The following APBB2 variants were observed in gnomAD, a reference collection of about 807,000 sequenced individuals.
The protein encoded by APBB2 is Fe65-like 1.
Under a neutral mutation model 82.5 loss-of-function variants are expected in APBB2, and 38 were observed. That is an observed-to-expected ratio of 0.46 (90% CI 0.36 to 0.60). The LOEUF (loss-of-function observed/expected upper bound fraction) is 0.60, where lower values mean the gene tolerates loss of function less well. Among genes scored for constraint, APBB2 ranks in the 20% least tolerant of loss-of-function variants. APBB2 has a pLI of 0.00. For missense variants in APBB2, 772 were observed against 972.3 expected, an observed-to-expected ratio of 0.79 and a Z score of 2.74; for synonymous variants, 341 against 368.2, an observed-to-expected ratio of 0.93 and a Z score of 0.85.
intron 1 of APBB2, among the ~76,000 whole-genome samples, chr4:41,151,662 T>C (rs62409968): frequency 0.038 from 5,778 of 152,302 alleles, 211 homozygotes; most frequent in African/African-American, 0.096. Context: ...TTTTAGCGTT[T>C]TGAAGATATT....
intron 6 of APBB2, among the ~76,000 whole-genome samples, chr4:41,010,669 G>A (rs932064510): frequency 6.6e-6 from 1 of 152,116 alleles, no homozygotes; most frequent in African/African-American, 2.4e-5. Context: ...CTCATCAGCA[G>A]GGAACTTGCT....
Position 41,049,442 on chromosome 4 carries a change from CAACCCCTCCGCGAGGGAGGTGGGGGGCA to C in APBB2, c.-51+16106_-51+16133del, listed in dbSNP as rs1242669951. 9.0e-3 allele frequency among the ~76,000 whole-genome samples: 1,349 copies of C among 149,264 alleles called. 14 individuals are homozygous for C. Among genetic ancestry groups the C allele is most frequent in the African/African-American group, 0.027 (1,092 of 40,314 alleles). The stretch of plus-strand genomic sequence containing the variant: ...TGGGGGACAGCCCCGCCCGGCCAGC[CAACCCCTCCGCGAGGGAGGTGGGGGGCA>C]GCCCCCGCCCGGCCAGCCGCCCCGT... On this transcript the variant is annotated intron_variant, in intron 4 of 17. Coordinates refer to ENST00000508593, the MANE Select transcript of APBB2 (RefSeq NM_004307.2).
intron 1 of APBB2, among the ~76,000 whole-genome samples, chr4:41,196,561 T>C: frequency 1.3e-5 from 2 of 151,048 alleles, no homozygotes; most frequent in Non-Finnish European, 2.9e-5. Flanking sequence ...CATCCAGTGC[T>C]GGTCTTTGCT....
At chr4:41,088,605 C>T (rs567113600) in intron 3 of APBB2, among the ~76,000 whole-genome samples, 1 of 152,328 alleles carries the variant, frequency 6.6e-6, no homozygotes, top group South Asian at 2.1e-4. Flanking sequence ...TCCAGGGCCT[C>T]ATCCTCTTTG....
At chr4:40,995,677 C>A (rs1003691625) in intron 6 of APBB2, among the ~76,000 whole-genome samples, 1 of 151,920 alleles carries the variant, frequency 6.6e-6, no homozygotes, top group African/African-American at 2.4e-5. Flanking sequence ...GTAGCTGACG[C>A]CAGCATGTGC....
chr4:41,118,641 A>C (rs181084899), intron 2 of APBB2, among the ~76,000 whole-genome samples: 4 of 152,322 alleles, frequency 2.6e-5, no homozygotes, highest in Admixed American at 2.6e-4. Flanking sequence ...GGCCAGCTTC[A>C]TATAGGAAGG....
intron 4 of APBB2, among the ~76,000 whole-genome samples, chr4:41,046,875 C>A (rs911437465): frequency 6.6e-6 from 1 of 152,208 alleles, no homozygotes; most frequent in African/African-American, 2.4e-5. Flanking sequence ...TGAAAGAGCA[C>A]TGGAGTGGGG....
intron 11 of APBB2, 57 bp from the exon 12 acceptor site, chr4:40,890,548 G>T: frequency 1.3e-6 from 2 of 1,596,728 alleles, no homozygotes; most frequent in South Asian, 1.1e-5. Context: ...AAGCCTAATC[G>T]TGTGTGTGGC....
intron 7 of APBB2, among the ~76,000 whole-genome samples, chr4:40,943,800 GC>G (rs1223645541): frequency 6.6e-6 from 1 of 152,228 alleles, no homozygotes; most frequent in African/African-American, 2.4e-5. Flanking sequence ...CAAAGTCCTT[GC>G]CTACCAATGA....
At position 41,079,979 on chromosome 4, in the gene APBB2, G is replaced by A. The variant is rs754780026; in HGVS notation, c.-148-14306C>T. 5.9e-5 allele frequency among the ~76,000 whole-genome samples: 9 copies of A among 152,330 alleles called. 1 individual carries two copies. In the South Asian group the frequency reaches 1.2e-3, roughly 21 times the overall value. On this transcript the variant is annotated intron_variant, in intron 3 of 17. Coordinates refer to ENST00000508593, the MANE Select transcript of APBB2 (RefSeq NM_004307.2). Reference sequence around the variant, plus strand: ...TGAATCGGGAGCTGCCACTGTTTGCGTGTGGCCAGAGACATGCTCAGATTC... The same window carrying A: ...TGAATCGGGAGCTGCCACTGTTTGCATGTGGCCAGAGACATGCTCAGATTC...
At chr4:41,004,167 C>G (rs1806010464) in intron 6 of APBB2, among the ~76,000 whole-genome samples, 1 of 152,126 alleles carries the variant, frequency 6.6e-6, no homozygotes, top group South Asian at 2.1e-4. Flanking sequence ...GGTCTACCCA[C>G]CTCGGCCTCC....
At chr4:40,975,297 C>T (rs1022451627) in intron 6 of APBB2, among the ~76,000 whole-genome samples, 1 of 152,158 alleles carries the variant, frequency 6.6e-6, no homozygotes, top group African/African-American at 2.4e-5. Context: ...GTGAATTGAA[C>T]GTGTTCCAGT....
At chr4:41,151,355 T>G (rs547474333) in intron 1 of APBB2, among the ~76,000 whole-genome samples, 3 of 152,214 alleles carry the variant, frequency 2.0e-5, no homozygotes, top group Non-Finnish European at 2.9e-5. Context: ...TTCAATACAA[T>G]AGCCACTAGG....
chr4:41,027,379 A>ATATATG (rs1392067130), intron 5 of APBB2, among the ~76,000 whole-genome samples: 1 of 48,762 alleles, frequency 2.1e-5, no homozygotes. Flanking sequence ...ATATATATAT[A>ATATATG]TATATATATA....
intron 3 of APBB2, among the ~76,000 whole-genome samples, chr4:41,092,315 T>C (rs1319299053): frequency 6.6e-6 from 1 of 152,230 alleles, no homozygotes; most frequent in Non-Finnish European, 1.5e-5. Context: ...GACTGAAGCT[T>C]TCTTGCAGGA....
In APBB2 at chr4:40,914,298, G is replaced by A. The variant is rs188867114; in HGVS notation, c.1254+20158C>T. ...CGAGGCAGGAGAATGGCGTGAACCC[G>A]GGAGGCGGAGTTTGCAGGGAGCCGA... On this transcript the variant is annotated intron_variant, in intron 10 of 17. Transcript: ENST00000508593. 3.7e-4 allele frequency among the ~76,000 whole-genome samples: 56 copies of A among 151,188 alleles called. No individual in the cohort carries two copies. In the East Asian group the frequency reaches 4.5e-3, roughly 12 times the overall value.
At chr4:40,848,571 A>G (rs1019593167) in intron 12 of APBB2, among the ~76,000 whole-genome samples, 15 of 152,130 alleles carry the variant, frequency 9.9e-5, no homozygotes, top group Non-Finnish European at 1.5e-4. Context: ...CTCTGTCCCC[A>G]TTGGACTTTT....
chr4:40,855,393 C>A (rs1170158236), intron 12 of APBB2, among the ~76,000 whole-genome samples: 3 of 152,164 alleles, frequency 2.0e-5, no homozygotes, highest in Admixed American at 6.5e-5. Flanking sequence ...AACTAAACAA[C>A]GTGGCGGCTG....
At chr4:41,177,089 ATAAT>A (rs1770028746) in intron 1 of APBB2, among the ~76,000 whole-genome samples, 1 of 152,116 alleles carries the variant, frequency 6.6e-6, no homozygotes, top group Non-Finnish European at 1.5e-5. Context: ...GGCTCTGCCA[ATAAT>A]TAACACCATG....
Sources: allele counts gnomAD v4.1 joint callset (sites outside exome capture counted in the v4.1 genomes callset), GRCh38; gene constraint gnomAD v4.1.1; transcripts MANE v1.5; gene names NCBI Gene and HGNC (gene_info 2026-07-23, HGNC 2026-07-21).